Variants in EGFL6 observed in about 807,000 individuals in gnomAD.
EGFL6 encodes the protein epidermal growth factor-like protein 6.
A neutral mutation model predicts 43.1 loss-of-function variants in EGFL6; 42 were observed. The observed-to-expected ratio is 0.98, with a 90% CI of 0.76 to 1.26. The LOEUF (loss-of-function observed/expected upper bound fraction) is 1.26, where lower values mean the gene tolerates loss of function less well. Among genes scored for constraint, EGFL6 ranks in the 50% most tolerant of loss-of-function variants. The pLI is 0.00. For synonymous variants in EGFL6, 164 were observed against 163.2 expected (o/e 1.01, Z -0.04); for missense variants, 429 against 427.8 (o/e 1.00, Z -0.02).
intron 1 of EGFL6, among the ~76,000 whole-genome samples, chrX:13,572,718 C>T (rs780593984): frequency 2.7e-5 from 3 of 112,121 alleles, no homozygotes; most frequent in Admixed American, 9.4e-5. Flanking sequence ...TGACTAGGTT[C>T]CTGCTGAGAG....
At chrX:13,573,192 C>T (rs2045452285) in intron 1 of EGFL6, among the ~76,000 whole-genome samples, 2 of 111,652 alleles carry the variant, frequency 1.8e-5, no homozygotes, top group Admixed American at 9.5e-5. Context: ...TTACAGGTTC[C>T]GGGGATTAGG....
In EGFL6 at chrX:13,569,905, G is replaced by T; in HGVS notation, c.44G>T (p.Trp15Leu). The part of the protein sequence containing the change: ...WSLALPLLLS[W>L]VAGGFGNAAS... ...CTTGCGCTCCCGCTGCTGCTCTCCT[G>T]GGTGGCAGGTGGTTTCGGGAACGCG... The change falls in exon 1 of 12, where the codon TGG (tryptophan) becomes TTG (leucine). Residue 15 changes from tryptophan (W) to leucine (L), a missense_variant. Trp to Leu is a moderately conservative substitution (Grantham distance 61). Transcript: ENST00000361306. 1 of 1,212,178 alleles carries T rather than the reference G, an allele frequency of 8.2e-7. No individual in the cohort carries two copies. Among genetic ancestry groups the T allele is most frequent in the Non-Finnish European group, 1.1e-6 (1 of 895,485 alleles).
chrX:13,618,787 A>G (rs1053075817), intron 8 of EGFL6, among the ~76,000 whole-genome samples: 1 of 111,226 alleles, frequency 9.0e-6, no homozygotes, highest in African/African-American at 3.3e-5. Flanking sequence ...CAAATGCCAG[A>G]TGGATTTAAC....
chrX:13,621,373 C>A (rs982224613), intron 9 of EGFL6, among the ~76,000 whole-genome samples: 3 of 111,857 alleles, frequency 2.7e-5, no homozygotes, highest in African/African-American at 9.8e-5. Flanking sequence ...TATATACCAA[C>A]TCCCATCTGG....
chrX:13,628,300 G>A (rs1403800036), intron 11 of EGFL6, among the ~76,000 whole-genome samples: 1 of 110,364 alleles, frequency 9.1e-6, no homozygotes, highest in African/African-American at 3.3e-5. Context: ...AAAGGAAACA[G>A]AGTTTTAAGA....
intron 7 of EGFL6, among the ~76,000 whole-genome samples, chrX:13,613,435 C>T (rs2045703349): frequency 9.1e-6 from 1 of 110,316 alleles, no homozygotes; most frequent in African/African-American, 3.3e-5. Flanking sequence ...ACCCAGATAA[C>T]ACTCAATTTG....
chrX:13,590,656 C>T (rs183261993), intron 2 of EGFL6, among the ~76,000 whole-genome samples: 2 of 112,099 alleles, frequency 1.8e-5, no homozygotes, highest in African/African-American at 6.5e-5. Context: ...TCTGGATTGA[C>T]CATAAGTGGG....
chrX:13,578,553 G>T (rs1481936188), intron 1 of EGFL6, among the ~76,000 whole-genome samples: 3 of 109,090 alleles, frequency 2.8e-5, no homozygotes, highest in Non-Finnish European at 5.7e-5. Context: ...TGATAGACTG[G>T]ATTAAGAAAA....
intron 9 of EGFL6, among the ~76,000 whole-genome samples, chrX:13,619,625 G>A (rs1046370703): frequency 5.4e-5 from 6 of 111,911 alleles, no homozygotes; most frequent in African/African-American, 1.9e-4. Context: ...GTTACCTATT[G>A]CCATAATAAT....
chrX:13,583,648 A>C (rs193276911), intron 1 of EGFL6, among the ~76,000 whole-genome samples: 335 of 112,337 alleles, frequency 3.0e-3, no homozygotes, highest in Non-Finnish European at 4.6e-3. Context: ...GGTTGGAACC[A>C]GATGATATCT....
intron 4 of EGFL6, among the ~76,000 whole-genome samples, chrX:13,601,539 G>C (rs1227103472): frequency 9.0e-6 from 1 of 111,127 alleles, no homozygotes; most frequent in East Asian, 2.8e-4. Context: ...CTGTGGTTGC[G>C]GAGTTGCACA....
At chrX:13,619,386 T>C (rs1273236007) in intron 9 of EGFL6, 143 bp downstream of exon 9, 1 of 503,251 alleles carries the variant, frequency 2.0e-6, no homozygotes. Flanking sequence ...ACACACACAG[T>C]GCCAGTATTA....
chrX:13,628,983 C>T (rs778361221), intron 11 of EGFL6, among the ~76,000 whole-genome samples: 7 of 112,834 alleles, frequency 6.2e-5, no homozygotes, highest in Non-Finnish European at 1.1e-4. Flanking sequence ...GCAAATTTAA[C>T]ATCTTTTCAT....
chrX:13,579,304 G>T (rs1398276240), intron 1 of EGFL6, among the ~76,000 whole-genome samples: 4 of 111,129 alleles, frequency 3.6e-5, no homozygotes, highest in Non-Finnish European at 7.5e-5. Context: ...GTGCCCATTG[G>T]TTCTCATCAT....
At chrX:13,629,988 C>A (rs1275815578) in intron 11 of EGFL6, among the ~76,000 whole-genome samples, 1 of 112,194 alleles carries the variant, frequency 8.9e-6, no homozygotes, top group East Asian at 2.8e-4. Flanking sequence ...ACACAGAAAC[C>A]TTTACTGGGG....
Position 13,603,365 on chromosome X carries a change from CAGA to C in EGFL6, c.455_457del (p.Glu152del), listed in dbSNP as rs748711207. The C allele has an allele frequency of 1.1e-5, 13 of 1,209,240 alleles. 1 individual carries two copies. The South Asian group carries it at 2.1e-4, about 20-fold the overall frequency. ...AACTGTCAGTACAGCTGTGAAGACACAGAAGAAGGGCCACAGTGCCTGTGTCCA... is the reference window on the plus strand; with the variant it reads ...AACTGTCAGTACAGCTGTGAAGACACAGAAGGGCCACAGTGCCTGTGTCCA... On this transcript the variant is annotated inframe_deletion, in exon 5 of 12. Coordinates refer to ENST00000361306, the MANE Select transcript of EGFL6 (RefSeq NM_015507.4).
intron 4 of EGFL6, among the ~76,000 whole-genome samples, chrX:13,600,625 C>T: frequency 9.4e-6 from 1 of 105,988 alleles, no homozygotes; most frequent in Non-Finnish European, 1.9e-5. Flanking sequence ...TGATTGGGCA[C>T]AGTGGCTCAC....
chrX:13,617,677 G>A, intron 7 of EGFL6, 53 bp from the exon 8 acceptor site: 1 of 1,043,701 alleles, frequency 9.6e-7, no homozygotes, highest in Non-Finnish European at 1.3e-6. Context: ...TCCATTTTGT[G>A]AGTAATTTAA....
At chrX:13,613,785 CA>C (rs1391350789) in intron 7 of EGFL6, among the ~76,000 whole-genome samples, 2 of 112,083 alleles carry the variant, frequency 1.8e-5, no homozygotes, top group Non-Finnish European at 3.8e-5. Context: ...CAAAATTCAA[CA>C]ATCATTTCTG....
Sources: gnomAD v4.1 joint callset for allele counts (sites outside exome capture counted in the v4.1 genomes callset) on GRCh38, gnomAD v4.1.1 for gene constraint, MANE v1.5 for transcripts, NCBI Gene and HGNC (gene_info 2026-07-23, HGNC 2026-07-21) for gene names.